The following HYDIN variants were observed in gnomAD, a reference collection of about 807,000 sequenced individuals.
HYDIN encodes the protein HYDIN axonemal central pair apparatus protein, also known as axonemal central pair apparatus protein HYDIN.
A neutral mutation model predicts 403.9 loss-of-function variants in HYDIN; 132 were observed. The observed-to-expected ratio is 0.33, with a 90% CI of 0.28 to 0.38. The LOEUF is 0.38. Among genes scored for constraint, HYDIN ranks in the 10% least tolerant of loss-of-function variants. HYDIN has a pLI of 1.00. For synonymous variants in HYDIN, 1,202 were observed against 1,891.7 expected, an observed-to-expected ratio of 0.64 and a Z score of 9.46; for missense variants, 2,827 against 5,009.5, an observed-to-expected ratio of 0.56 and a Z score of 13.15.
chr16:71,048,726 G>A (rs1302728355), intron 18 of HYDIN, among the ~76,000 whole-genome samples: 1 of 152,188 alleles, frequency 6.6e-6, no homozygotes, highest in Non-Finnish European at 1.5e-5. Flanking sequence ...TTGAGGTGGA[G>A]GGTGGAAGGA....
chr16:70,945,262 G>C (rs1177840385), intron 41 of HYDIN, among the ~76,000 whole-genome samples: 1 of 152,198 alleles, frequency 6.6e-6, no homozygotes, highest in African/African-American at 2.4e-5. Flanking sequence ...GGAACATAAA[G>C]AGTCACCAAA....
At chr16:71,213,733 T>G (rs140330745) in intron 1 of HYDIN, among the ~76,000 whole-genome samples, 296 of 152,278 alleles carry the variant, frequency 1.9e-3, no homozygotes, top group African/African-American at 7.0e-3. Context: ...CAAAGCCATT[T>G]ATGATTTTTA....
intron 41 of HYDIN, among the ~76,000 whole-genome samples, chr16:70,947,993 C>A (rs1157118016): frequency 3.3e-5 from 5 of 151,474 alleles, no homozygotes; most frequent in Non-Finnish European, 5.9e-5. Flanking sequence ...GAGCCCGCAT[C>A]GCCAAGGCAA....
At chr16:70,820,473 C>T (rs985194680) in intron 83 of HYDIN, among the ~76,000 whole-genome samples, 5 of 151,554 alleles carry the variant, frequency 3.3e-5, no homozygotes, top group Admixed American at 6.6e-5. Flanking sequence ...GCCACCGTGC[C>T]GGGCCTAAAG....
At chr16:71,177,930 C>T (rs1329772702) in intron 4 of HYDIN, among the ~76,000 whole-genome samples, 3 of 152,120 alleles carry the variant, frequency 2.0e-5, no homozygotes, top group South Asian at 2.1e-4. Flanking sequence ...AAGAAATCTT[C>T]CATTACAATT....
intron 80 of HYDIN, among the ~76,000 whole-genome samples, chr16:70,830,829 G>C (rs553969569): frequency 6.6e-6 from 1 of 152,284 alleles, no homozygotes; most frequent in South Asian, 2.1e-4. Context: ...GGGAGCTCAG[G>C]TTTCATACAT....
chr16:71,153,060 T>C (rs1211397736), intron 6 of HYDIN, among the ~76,000 whole-genome samples: 1 of 152,240 alleles, frequency 6.6e-6, no homozygotes, highest in Non-Finnish European at 1.5e-5. Context: ...TTAACATTCA[T>C]TGAGTATCCC....
At chr16:70,939,134 T>C (rs2143872469) in intron 43 of HYDIN, among the ~76,000 whole-genome samples, 1 of 152,086 alleles carries the variant, frequency 6.6e-6, no homozygotes, top group Non-Finnish European at 1.5e-5. Context: ...TCAGAGATGG[T>C]GATGATGTGA....
At chr16:71,227,365 A>G (rs1230721029) in intron 1 of HYDIN, among the ~76,000 whole-genome samples, 1 of 152,202 alleles carries the variant, frequency 6.6e-6, no homozygotes, top group African/African-American at 2.4e-5. Context: ...AAAAAGAGGA[A>G]GTCAAATTGT....
At chr16:71,034,008 A>G (rs1453086334) in intron 18 of HYDIN, among the ~76,000 whole-genome samples, 1 of 152,008 alleles carries the variant, frequency 6.6e-6, no homozygotes, top group East Asian at 1.9e-4. Flanking sequence ...GAAAAGCCAC[A>G]CTCTCCAGTT....
In HYDIN at chr16:70,860,695, T is replaced by C; in HGVS notation, c.11984A>G (p.Asn3995Ser). ...EFTTVGIGGK[N>S]LRTFTILNPT... ...GTAAACCTAAGCAACTCACCGGAGATTCTTCCCTCCTATGCCCACAGTGGT... is the reference window on the plus strand; with the variant it reads ...GTAAACCTAAGCAACTCACCGGAGACTCTTCCCTCCTATGCCCACAGTGGT... The change falls in exon 70 of 86, where the codon AAT (asparagine) becomes AGT (serine). Residue 3995 changes from asparagine to serine, a missense_variant. Transcript: ENST00000393567. 1 of 538,866 alleles carries C rather than the reference T, an allele frequency of 1.9e-6. No homozygotes were observed. The highest frequency in any genetic ancestry group is 3.2e-6 in the Non-Finnish European group (1 of 316,130). 33.4% of individuals were successfully genotyped at this position (538,866 alleles called of 1,614,324 possible).
intron 32 of HYDIN, 76 bp downstream of exon 32, chr16:70,974,458 C>G: frequency 7.3e-7 from 1 of 1,366,568 alleles, no homozygotes; most frequent in Non-Finnish European, 9.9e-7. Context: ...AAAGCTGCTC[C>G]AGGAGGACAG....
chr16:70,941,688 G>A lies in HYDIN; in HGVS notation c.6801C>T (p.Ala2267=). ...GGGCCTTCATGGCTGCGTAATCCTG[G>A]GCCATGTTGAGAATGTATATATGCT... The part of the protein sequence containing the change: ...SREHIYILNM[A]QDYAAMKAQE... Residue 2267 remains alanine (A), a synonymous_variant, in exon 43 of 86, where the codon GCC becomes GCT. Coordinates refer to ENST00000393567, the MANE Select transcript of HYDIN (RefSeq NM_001270974.2). 1 of 1,590,792 alleles carries A rather than the reference G, an allele frequency of 6.3e-7. No homozygotes were observed. Among genetic ancestry groups the A allele is most frequent in the South Asian group, 1.2e-5 (1 of 86,920 alleles).
chr16:71,116,586 A>AT (rs2084044810), intron 9 of HYDIN, among the ~76,000 whole-genome samples: 1 of 151,918 alleles, frequency 6.6e-6, no homozygotes. Flanking sequence ...TCTATTTATG[A>AT]TTTTTTGAGG....
At chr16:71,210,130 A>G (rs1348668014) in intron 1 of HYDIN, among the ~76,000 whole-genome samples, 2 of 152,196 alleles carry the variant, frequency 1.3e-5, no homozygotes, top group African/African-American at 4.8e-5. Flanking sequence ...AAAGAGAACT[A>G]CCATTCAACC....
chr16:70,993,898 A>G (rs1303328793), intron 23 of HYDIN, among the ~76,000 whole-genome samples: 1 of 152,140 alleles, frequency 6.6e-6, no homozygotes, highest in Non-Finnish European at 1.5e-5. Context: ...ACATTGTGGT[A>G]TTCATTAATA....
intron 81 of HYDIN, 39 bp from the exon 82 acceptor site, chr16:70,828,468 AT>A: frequency 6.4e-7 from 1 of 1,562,062 alleles, no homozygotes; most frequent in Non-Finnish European, 8.8e-7. Flanking sequence ...GCCACACAGC[AT>A]TCTTTACTAG....
chr16:70,807,897 G>C lies in HYDIN; in HGVS notation c.15049C>G (p.Leu5017Val). The change falls in exon 86 of 86, where the codon CTC (leucine) becomes GTC (valine). Residue 5017 changes from leucine (L) to valine (V), a missense_variant. By Grantham distance (32) the Leu-to-Val change is conservative (BLOSUM62 1). Transcript: ENST00000393567. ...TTGGGAGGCAGAGCCATTCCAAAGAGGGGGATGATATACTCTCCACCTGCG... is the reference window on the plus strand; with the variant it reads ...TTGGGAGGCAGAGCCATTCCAAAGACGGGGATGATATACTCTCCACCTGCG... Reference protein sequence around the residue: ...SLAGGEYIIPLFGMALPPKPQ... With the variant: ...SLAGGEYIIPVFGMALPPKPQ... The C allele has an allele frequency of 6.2e-7, 1 of 1,614,180 alleles. No individual in the cohort carries two copies. Among genetic ancestry groups the C allele is most frequent in the Non-Finnish European group, 8.5e-7 (1 of 1,180,026 alleles).
Position 71,184,967 on chromosome 16 carries a change from C to T in HYDIN, c.159G>A (p.Lys53=). ...NRMLTPSEFL[K]EMSLTTEQRL... ...TCTGCTCGGTGGTCAGGGACATTTC[C>T]TTCAGGAACTCTGAGGGTGTAAGCT... The change falls in exon 3 of 86, where the codon AAG becomes AAA. Residue 53 remains lysine, a synonymous_variant. Coordinates refer to ENST00000393567, the MANE Select transcript of HYDIN (RefSeq NM_001270974.2). 1 of 1,608,878 alleles carries T rather than the reference C, an allele frequency of 6.2e-7. No individual in the cohort carries two copies. Among genetic ancestry groups the T allele is most frequent in the Non-Finnish European group, 8.5e-7 (1 of 1,176,774 alleles).
Sources: allele counts gnomAD v4.1 joint callset (sites outside exome capture counted in the v4.1 genomes callset), GRCh38; gene constraint gnomAD v4.1.1; transcripts MANE v1.5; gene names NCBI Gene and HGNC (gene_info 2026-07-23, HGNC 2026-07-21).